PPP1R1C: variants seen among roughly 807,000 people sequenced by gnomAD.
PPP1R1C encodes the protein protein phosphatase 1 regulatory subunit 1C.
In PPP1R1C, 15 loss-of-function variants were observed where a neutral mutation model predicts 17.4. The ratio of observed to expected loss-of-function variants is 0.86; its 90% confidence interval spans 0.58 to 1.33. The LOEUF (loss-of-function observed/expected upper bound fraction) is 1.33, where lower values mean the gene tolerates loss of function less well. Ranked by LOEUF, PPP1R1C falls within the 40% of genes most tolerant of loss-of-function variation. PPP1R1C has a pLI of 0.00. For synonymous variants in PPP1R1C, 35 were observed against 43.1 expected (o/e 0.81, Z 0.73); for missense variants, 143 against 130.0 (o/e 1.10, Z -0.48).
At chr2:182,000,390 C>G (rs369259282) in intron 2 of PPP1R1C, among the ~76,000 whole-genome samples, 5 of 152,086 alleles carry the variant, frequency 3.3e-5, no homozygotes, top group African/African-American at 1.2e-4. Flanking sequence ...ATCTACATGG[C>G]TCTTCATAGG....
At chr2:182,023,384 G>C (rs1414386278) in intron 2 of PPP1R1C, among the ~76,000 whole-genome samples, 3 of 152,092 alleles carry the variant, frequency 2.0e-5, no homozygotes, top group Admixed American at 2.0e-4. Context: ...TGAAAAGCTT[G>C]AGTTCATGTG....
downstream of PPP1R1C, among the ~76,000 whole-genome samples, chr2:182,119,058 A>C (rs1275584500): frequency 4.1e-5 from 6 of 146,850 alleles, no homozygotes; most frequent in South Asian, 2.2e-4. Context: ...TCCCCCCACC[A>C]CCCACCCCAC....
upstream of PPP1R1C, among the ~76,000 whole-genome samples, chr2:181,984,496 T>C (rs1389054234): frequency 6.6e-6 from 1 of 152,230 alleles, no homozygotes; most frequent in Non-Finnish European, 1.5e-5. Context: ...ATGTAATTTA[T>C]AAATTTCCCT....
At position 181,967,383 on chromosome 2, in the gene PPP1R1C, G is replaced by A. The variant is rs1466499915; in HGVS notation, n.112-7836G>A. On this transcript the variant is annotated intron_variant and non_coding_transcript_variant, in intron 1 of 5. Transcript: ENST00000464264. The surrounding 1 kb of genome is among the most constrained non-coding windows in gnomAD (Gnocchi z 5.5). ...ATTTTCTACATCTTTAACAGGCATT[G>A]TAAGGTTGGTCATGTGAAGATTTTC... 6.6e-6 allele frequency among the ~76,000 whole-genome samples: 1 copy of A among 152,010 alleles called. No homozygotes were observed. Among genetic ancestry groups the A allele is most frequent in the African/African-American group, 2.4e-5 (1 of 41,402 alleles).
At chr2:181,983,045 G>T (rs1270277195), upstream of PPP1R1C, among the ~76,000 whole-genome samples, 1 of 152,142 alleles carries the variant, frequency 6.6e-6, no homozygotes, top group African/African-American at 2.4e-5. Context: ...TGAGTATCTT[G>T]ATTAATAGTA....
In PPP1R1C at chr2:181,964,373, G is replaced by A. The variant is rs369948562; in HGVS notation, n.111+9739G>A. Among the ~76,000 whole-genome samples, 8 of 152,314 alleles carry A rather than the reference G, an allele frequency of 5.3e-5. No homozygotes were observed. In the East Asian group the frequency reaches 1.5e-3, roughly 29 times the overall value. ...TTCTTTATCCATTGGTTTGTTGATG[G>A]ACACTTAGGTTGCTTCTAAATCTTG... On this transcript the variant is annotated intron_variant and non_coding_transcript_variant, in intron 1 of 5. Coordinates refer to the PPP1R1C transcript ENST00000464264.
intron 4 of PPP1R1C, among the ~76,000 whole-genome samples, chr2:182,078,057 G>A (rs1688366754): frequency 6.6e-6 from 1 of 152,094 alleles, no homozygotes. Flanking sequence ...GCGCACACCT[G>A]TTGTCCCAGC....
chr2:182,044,682 T>G (rs1687289016), intron 2 of PPP1R1C, among the ~76,000 whole-genome samples: 1 of 152,228 alleles, frequency 6.6e-6, no homozygotes, highest in Non-Finnish European at 1.5e-5. Flanking sequence ...TTTAATCATC[T>G]GTCTTTTTCA....
chr2:182,073,806 A>T (rs1239828455), intron 4 of PPP1R1C, among the ~76,000 whole-genome samples: 2 of 152,138 alleles, frequency 1.3e-5, no homozygotes, highest in Non-Finnish European at 2.9e-5. Context: ...GGGCACGTGA[A>T]CTTTGAACAC....
intron 2 of PPP1R1C, among the ~76,000 whole-genome samples, chr2:182,036,047 G>A (rs1383077523): frequency 6.6e-6 from 1 of 152,128 alleles, no homozygotes; most frequent in African/African-American, 2.4e-5. Flanking sequence ...TGACTGAGCA[G>A]CAGAAGAGAA....
intron 4 of PPP1R1C, among the ~76,000 whole-genome samples, chr2:182,075,756 CTA>C (rs1217770739): frequency 6.6e-6 from 1 of 152,200 alleles, no homozygotes. Context: ...ATGCACTACT[CTA>C]TGTCCATTTC....
At chr2:181,988,025 A>G (rs1354356491) in intron 2 of PPP1R1C, 126 bp downstream of exon 2, 2 of 682,352 alleles carry the variant, frequency 2.9e-6, no homozygotes, top group Non-Finnish European at 5.0e-6. Flanking sequence ...CTAGAAAGCT[A>G]ATCTATAAAA....
At chr2:182,032,031 A>G (rs1686858090) in intron 2 of PPP1R1C, among the ~76,000 whole-genome samples, 1 of 152,130 alleles carries the variant, frequency 6.6e-6, no homozygotes, top group Non-Finnish European at 1.5e-5. Flanking sequence ...AAAGTTTAGT[A>G]TTTATTTTTG....
intron 1 of PPP1R1C, among the ~76,000 whole-genome samples, chr2:181,970,148 T>C (rs1032283072): frequency 6.6e-6 from 1 of 151,380 alleles, no homozygotes; most frequent in African/African-American, 2.4e-5. Flanking sequence ...TTTTTTTTTT[T>C]CCTTTGAGGT....
At chr2:181,985,110 A>T (rs1246535322), upstream of PPP1R1C, among the ~76,000 whole-genome samples, 2 of 152,236 alleles carry the variant, frequency 1.3e-5, no homozygotes, top group African/African-American at 4.8e-5. The surrounding 1 kb of genome is among the most constrained non-coding windows in gnomAD (Gnocchi z 4.1). Flanking sequence ...TTCCAGTCAT[A>T]TTCTTCCAAG....
At chr2:182,095,982 C>T (rs78514119) in intron 4 of PPP1R1C, among the ~76,000 whole-genome samples, 2,366 of 134,712 alleles carry the variant, frequency 0.018, 32 homozygotes, top group Non-Finnish European at 0.028. Flanking sequence ...CTCAGACACA[C>T]ACAAAAAAAC....
chr2:181,967,872 T>C lies in PPP1R1C; in HGVS notation n.112-7347T>C, dbSNP rs1199052409. Reference sequence around the variant, plus strand: ...CTGGGATTACAGGCACGAGCCACCATGCCTGGCTAATTTTGTGTTTTTAGT... The same window carrying C: ...CTGGGATTACAGGCACGAGCCACCACGCCTGGCTAATTTTGTGTTTTTAGT... On this transcript the variant is annotated intron_variant and non_coding_transcript_variant, in intron 1 of 5. Transcript: ENST00000464264. This position sits in a 1 kb window ranked among gnomAD's most constrained non-coding sequence, Gnocchi z 5.5. Among the ~76,000 whole-genome samples, 1 of 152,116 alleles carries C rather than the reference T, an allele frequency of 6.6e-6. No individual in the cohort carries two copies. The highest frequency in any genetic ancestry group is 6.5e-5 in the Admixed American group (1 of 15,276).
intron 4 of PPP1R1C, among the ~76,000 whole-genome samples, chr2:182,078,322 T>C (rs982414543): frequency 1.3e-5 from 2 of 152,224 alleles, no homozygotes; most frequent in Admixed American, 1.3e-4. Flanking sequence ...TATGTATTCC[T>C]GTCGTGTCTT....
chr2:182,065,939 A>G (rs1011456924), intron 4 of PPP1R1C, among the ~76,000 whole-genome samples: 1 of 151,994 alleles, frequency 6.6e-6, no homozygotes, highest in African/African-American at 2.4e-5. Flanking sequence ...TTCATTCTTG[A>G]TCTTATAATA....
Sources: allele counts gnomAD v4.1 joint callset (sites outside exome capture counted in the v4.1 genomes callset), GRCh38; gene constraint gnomAD v4.1.1; non-coding constraint Gnocchi (gnomAD v3.1); transcripts MANE v1.5; gene names NCBI Gene and HGNC (gene_info 2026-07-23, HGNC 2026-07-21).